Variants in FAM53C observed in about 807,000 individuals in gnomAD.
FAM53C encodes the protein protein FAM53C.
A neutral mutation model predicts 34.7 loss-of-function variants in FAM53C; 10 were observed. The ratio of observed to expected loss-of-function variants is 0.29; its 90% CI spans 0.18 to 0.49. The LOEUF is 0.49. FAM53C is among the 20% of genes least tolerant of loss of function. FAM53C has a pLI of 0.99. For synonymous variants in FAM53C, 203 were observed against 203.6 expected, an observed-to-expected ratio of 1.00 and a Z score of 0.03; for missense variants, 442 against 515.3, an observed-to-expected ratio of 0.86 and a Z score of 1.38.
chr5:138,344,166 C>T (rs1353355782), intron 3 of FAM53C, among the ~76,000 whole-genome samples: 2 of 152,182 alleles, frequency 1.3e-5, no homozygotes, highest in African/African-American at 2.4e-5. Context: ...GGAAGGGAAT[C>T]GGAATATGTG....
intron 4 of FAM53C, 65 bp from the exon 5 acceptor site, chr5:138,346,637 T>C: frequency 6.3e-7 from 1 of 1,597,392 alleles, no homozygotes; most frequent in Non-Finnish European, 8.5e-7. Flanking sequence ...AAAAAAAAGT[T>C]TACAAACCTC....
chr5:138,339,111 C>T (rs1039825232), intron 1 of FAM53C, among the ~76,000 whole-genome samples: 7 of 152,322 alleles, frequency 4.6e-5, no homozygotes, highest in Admixed American at 2.0e-4. Context: ...CTGTGAAGGG[C>T]TGAGCCCCGT....
chr5:138,341,184 A>G lies in FAM53C; in HGVS notation c.-152A>G. 1.3e-6 allele frequency: 1 copy of G among 768,592 alleles called. No individual in the cohort carries two copies. Among genetic ancestry groups the G allele is most frequent in the South Asian group, 1.4e-5 (1 of 73,302 alleles). 47.6% of individuals were successfully genotyped at this position (768,592 alleles called of 1,614,324 possible). A position where few individuals can be genotyped will look rare whatever the true frequency, so the allele number is the denominator to read the frequency against. ...TGGGGCTGGTCCCTCTAATTGGCAG[A>G]CTCAGCAGGCATGACTGGAGAGGGA... On this transcript the variant is annotated splice_region_variant and 5_prime_UTR_variant, in exon 2 of 5. Transcript: ENST00000239906.
At chr5:138,344,116 T>G (rs779439006) in intron 3 of FAM53C, among the ~76,000 whole-genome samples, 1 of 152,186 alleles carries the variant, frequency 6.6e-6, no homozygotes, top group African/African-American at 2.4e-5. Flanking sequence ...CTTCCTTCTC[T>G]TGGTCCCTCC....
chr5:138,340,424 A>G (rs948708677), intron 1 of FAM53C, among the ~76,000 whole-genome samples: 4 of 152,196 alleles, frequency 2.6e-5, no homozygotes, highest in African/African-American at 9.6e-5. Flanking sequence ...CCCCTCAGGT[A>G]ATTGTGTGGG....
At chr5:138,344,283 A>C (rs1488713025) in intron 3 of FAM53C, among the ~76,000 whole-genome samples, 1 of 152,210 alleles carries the variant, frequency 6.6e-6, no homozygotes, top group Non-Finnish European at 1.5e-5. Flanking sequence ...CTAGGAATAA[A>C]AGTGATCTCT....
At position 138,341,638 on chromosome 5, in the gene FAM53C, G is replaced by T. The variant is rs913130179; in HGVS notation, c.79-171G>T. 4.1e-6 allele frequency: 3 copies of T among 733,988 alleles called. No homozygotes were observed. In the African/African-American group the frequency reaches 5.2e-5, roughly 13 times the overall value. 45.5% of individuals were successfully genotyped at this position (733,988 alleles called of 1,614,324 possible). On this transcript the variant is annotated intron_variant, in intron 2 of 4. Transcript: ENST00000239906. ...GGGTGGAGAAGGGTTTGAGATGTTG[G>T]AAGATGTGGATTGTTTGACTTACTA...
intron 1 of FAM53C, among the ~76,000 whole-genome samples, chr5:138,338,523 C>T (rs2126881206): frequency 6.6e-6 from 1 of 152,162 alleles, no homozygotes; most frequent in East Asian, 1.9e-4. Flanking sequence ...GTTCGCTTCC[C>T]GCGGCCAGAT....
chr5:138,343,929 C>T (rs1219562908), intron 3 of FAM53C, among the ~76,000 whole-genome samples: 1 of 152,174 alleles, frequency 6.6e-6, no homozygotes, highest in African/African-American at 2.4e-5. Context: ...TTGCCACCAT[C>T]AAGTCTGACT....
At chr5:138,337,990 G>A (rs1391195260), upstream of FAM53C, 2 of 1,289,496 alleles carry the variant, frequency 1.6e-6, no homozygotes, top group Non-Finnish European at 2.0e-6. Context: ...CGGGTTTCAA[G>A]ATGTGCCTCC....
intron 3 of FAM53C, 118 bp downstream of exon 3, chr5:138,341,984 G>T: frequency 2.3e-6 from 2 of 881,384 alleles, no homozygotes; most frequent in African/African-American, 1.6e-5. Context: ...TTCTTGCCAG[G>T]GTCAACTTCT....
In FAM53C at chr5:138,348,722, A is replaced by T. The variant is rs1282358932; in HGVS notation, c.*1763A>T. The T allele has an allele frequency of 6.6e-6, 1 of 152,084 alleles. No homozygotes were observed. Among genetic ancestry groups the T allele is most frequent in the African/African-American group, 2.4e-5 (1 of 41,408 alleles). 9.4% of individuals were successfully genotyped at this position (152,084 alleles called of 1,614,324 possible). ...GCTCCTCCCTATCTCCTGGCTAGTT[A>T]CCACTAGGCTACCAGGTCTCTAGGG... On this transcript the variant is annotated 3_prime_UTR_variant, in exon 5 of 5. Transcript: ENST00000239906.
chr5:138,339,119 C>T (rs1760937417), intron 1 of FAM53C, among the ~76,000 whole-genome samples: 1 of 152,158 alleles, frequency 6.6e-6, no homozygotes, highest in Non-Finnish European at 1.5e-5. Flanking sequence ...GGCTGAGCCC[C>T]GTGCCAGTTG....
At position 138,345,863 on chromosome 5, in the gene FAM53C, T is replaced by G. The variant is rs1312775537; in HGVS notation, c.921+254T>G. Among the ~76,000 whole-genome samples the G allele has an allele frequency of 6.6e-6, 1 of 152,220 alleles. No individual in the cohort carries two copies. Among genetic ancestry groups the G allele is most frequent in the Non-Finnish European group, 1.5e-5 (1 of 68,024 alleles). On this transcript the variant is annotated intron_variant, in intron 4 of 4. Transcript: ENST00000239906. The surrounding 1 kb of genome is among the most constrained non-coding windows in gnomAD (Gnocchi z 6.3). ...ACTGGGGTGAGACCCATGTTAAACC[T>G]TCCAACAGAGATCCCAAATTGTCCT...
intron 1 of FAM53C, among the ~76,000 whole-genome samples, chr5:138,338,842 A>G (rs1433258171): frequency 6.6e-6 from 1 of 152,030 alleles, no homozygotes; most frequent in Non-Finnish European, 1.5e-5. Context: ...TCTCCCCAGG[A>G]GGTGTGGGGC....
Position 138,344,865 on chromosome 5 carries a change from T to G in FAM53C, c.177T>G (p.Ala59=). The change falls in exon 4 of 5, where the codon GCT becomes GCG. Residue 59 remains alanine (A), a synonymous_variant. Coordinates refer to ENST00000239906, the MANE Select transcript of FAM53C (RefSeq NM_016605.3). The part of the protein sequence containing the change: ...SWRGLPHCSC[A]EFQDSLNFSY... ...GGGGCCTGCCCCACTGTTCCTGTGC[T>G]GAGTTCCAGGACAGCCTCAACTTCA... is the stretch of plus-strand genomic sequence containing the variant. The G allele has an allele frequency of 6.2e-7, 1 of 1,602,758 alleles. No homozygotes were observed. The highest frequency in any genetic ancestry group is 8.5e-7 in the Non-Finnish European group (1 of 1,174,360).
intron 3 of FAM53C, among the ~76,000 whole-genome samples, chr5:138,343,210 A>T (rs926602941): frequency 2.6e-5 from 4 of 151,594 alleles, no homozygotes; most frequent in Non-Finnish European, 4.4e-5. Context: ...TCTTGTTTGG[A>T]TACATAAAAC....
chr5:138,342,083 A>G lies in FAM53C; in HGVS notation c.136+217A>G, dbSNP rs1761048498. On this transcript the variant is annotated intron_variant, in intron 3 of 4. Coordinates refer to ENST00000239906, the MANE Select transcript of FAM53C (RefSeq NM_016605.3). ...AGCTTTGTGGGGACTTGTATAATCT[A>G]ATTTTTTGAATAGGTAATACATTCA... 20 of 517,124 alleles carry G rather than the reference A, an allele frequency of 3.9e-5. No individual in the cohort carries two copies. The South Asian group carries it at 6.7e-4, about 17-fold the overall frequency. 32.0% of individuals were successfully genotyped at this position (517,124 alleles called of 1,614,324 possible). A position where few individuals can be genotyped will look rare whatever the true frequency, so the allele number is the denominator to read the frequency against.
At chr5:138,339,246 A>G (rs971393629) in intron 1 of FAM53C, among the ~76,000 whole-genome samples, 1 of 152,142 alleles carries the variant, frequency 6.6e-6, no homozygotes, top group Non-Finnish European at 1.5e-5. Context: ...ACTTTTTTCA[A>G]TGCCTGCTTG....
Sources: allele counts gnomAD v4.1 joint callset (sites outside exome capture counted in the v4.1 genomes callset), GRCh38; gene constraint gnomAD v4.1.1; non-coding constraint Gnocchi (gnomAD v3.1); transcripts MANE v1.5; gene names NCBI Gene and HGNC (gene_info 2026-07-23, HGNC 2026-07-21).